The following ASCC1 variants were observed in gnomAD, a reference collection of about 807,000 sequenced individuals.
ASCC1 encodes the protein ASC-1 complex subunit P50.
ASCC1 carries 35 observed loss-of-function variants against 46.6 expected under a neutral mutation model. The observed-to-expected ratio is 0.75, with a 90% CI of 0.57 to 0.99. The LOEUF (loss-of-function observed/expected upper bound fraction) is 0.99. ASCC1 is among the 50% of genes least tolerant of loss of function. The pLI is 0.00. For missense variants in ASCC1, 376 were observed against 428.7 expected (o/e 0.88, Z 1.09); for synonymous variants, 143 against 146.6 (o/e 0.98, Z 0.18).
chr10:72,123,382 A>T (rs1185554879), intron 9 of ASCC1, among the ~76,000 whole-genome samples: 2 of 152,102 alleles, frequency 1.3e-5, no homozygotes, highest in Non-Finnish European at 2.9e-5. Context: ...AATAACTGAA[A>T]AGAGGAACTC....
At chr10:72,115,588 GA>G in intron 9 of ASCC1, among the ~76,000 whole-genome samples, 1 of 152,304 alleles carries the variant, frequency 6.6e-6, no homozygotes, top group Non-Finnish European at 1.5e-5. Context: ...CTGAAGCCAA[GA>G]GAAGAAAGCA....
chr10:72,152,832 C>T, intron 7 of ASCC1, 37 bp downstream of exon 7: 1 of 1,613,560 alleles, frequency 6.2e-7, no homozygotes, highest in South Asian at 1.1e-5. Context: ...TTTTAGGTAC[C>T]TCTTGATTGA....
At chr10:72,132,307 C>G (rs1446672813) in intron 8 of ASCC1, among the ~76,000 whole-genome samples, 2 of 152,150 alleles carry the variant, frequency 1.3e-5, no homozygotes, top group Non-Finnish European at 2.9e-5. Context: ...TGTGTGACTC[C>G]TGATCCGATG....
chr10:72,208,602 A>T (rs113073310), intron 3 of ASCC1, among the ~76,000 whole-genome samples: 2,382 of 152,214 alleles, frequency 0.016, 63 homozygotes, highest in African/African-American at 0.051. Context: ...TCTACTAAAA[A>T]TACAAAAATT....
At chr10:72,216,303 A>G (rs530731099), upstream of ASCC1, 46 of 160,596 alleles carry the variant, frequency 2.9e-4, no homozygotes, top group Non-Finnish European at 4.4e-4. Context: ...GGTTTGACCG[A>G]GTGCGCATGC....
At chr10:72,176,131 A>G (rs1851825861) in intron 5 of ASCC1, among the ~76,000 whole-genome samples, 1 of 152,214 alleles carries the variant, frequency 6.6e-6, no homozygotes, top group South Asian at 2.1e-4. Context: ...CCCACTTCAG[A>G]GCAGAACTCT....
rs184006546 is a variant in ASCC1, at chr10:72,210,892, G to A, written c.113-61C>T. 4.9e-4 allele frequency: 750 copies of A among 1,527,290 alleles called. 5 individuals are homozygous for A. In the African/African-American group the frequency reaches 8.9e-3, roughly 18 times the overall value. 94.6% of individuals were successfully genotyped at this position (1,527,290 alleles called of 1,614,324 possible). On this transcript the variant is annotated intron_variant, in intron 2 of 9. Transcript: ENST00000672957. ...TGTTGCTCTGTGGACAACAGCTTTC[G>A]CCTCAGCTGTCAACCGCTGTTGAGG...
rs1333290563 is a variant in ASCC1, at chr10:72,122,553, C to T, written c.957+5529G>A. Among the ~76,000 whole-genome samples the T allele has an allele frequency of 5.3e-5, 8 of 152,080 alleles. No homozygotes were observed. In the East Asian group the frequency reaches 1.4e-3, roughly 26 times the overall value. ...TCCCAACATTTTGTGAGGCTGAGTG[C>T]TTGAGCCCAGGAGTTAGAGAACAGC... is the stretch of plus-strand genomic sequence containing the variant. On this transcript the variant is annotated intron_variant, in intron 9 of 9. Coordinates refer to ENST00000672957, the MANE Select transcript of ASCC1 (RefSeq NM_001198800.3).
At chr10:72,102,221 A>G (rs956671014) in intron 9 of ASCC1, 21 of 854,838 alleles carry the variant, frequency 2.5e-5, no homozygotes, top group African/African-American at 1.9e-4. Context: ...GATGGGTCCA[A>G]TGGGTGTATA....
chr10:72,168,960 T>C (rs1451088694), intron 5 of ASCC1, among the ~76,000 whole-genome samples: 1 of 152,218 alleles, frequency 6.6e-6, no homozygotes, highest in Non-Finnish European at 1.5e-5. Flanking sequence ...CAGATTAATA[T>C]ACCCAACAAT....
rs558580826 is a variant in ASCC1 at position 72,201,012 on chromosome 10, G to A, written c.310+2415C>T. Among the ~76,000 whole-genome samples, 3 of 152,282 alleles carry A rather than the reference G, an allele frequency of 2.0e-5. No individual in the cohort carries two copies. The South Asian group carries it at 6.2e-4, about 32-fold the overall frequency. On this transcript the variant is annotated intron_variant, in intron 4 of 9. Transcript: ENST00000672957. Reference sequence around the variant, plus strand: ...CTCAAGTACTCAAAGTCATACGCATGACCAGTACCTGACACGTGCGGCTCC... The same window carrying A: ...CTCAAGTACTCAAAGTCATACGCATAACCAGTACCTGACACGTGCGGCTCC...
chr10:72,128,719 T>G (rs1323743745), intron 8 of ASCC1, among the ~76,000 whole-genome samples: 2 of 152,220 alleles, frequency 1.3e-5, no homozygotes, highest in African/African-American at 4.8e-5. Flanking sequence ...AGCAAATCTA[T>G]GACCTTAGCC....
intron 5 of ASCC1, among the ~76,000 whole-genome samples, 158 bp downstream of exon 5, chr10:72,196,653 C>T (rs190173188): frequency 6.6e-6 from 1 of 151,390 alleles, no homozygotes; most frequent in Admixed American, 6.6e-5. Flanking sequence ...TGTCCATACA[C>T]TTTTTTTTTC....
At chr10:72,182,803 C>T (rs1852819579) in intron 5 of ASCC1, among the ~76,000 whole-genome samples, 1 of 123,566 alleles carries the variant, frequency 8.1e-6, no homozygotes, top group African/African-American at 3.4e-5. Flanking sequence ...TAGCAACACC[C>T]TGTCTCTAAA....
chr10:72,180,443 T>C (rs182228828), intron 5 of ASCC1, among the ~76,000 whole-genome samples: 4 of 152,140 alleles, frequency 2.6e-5, no homozygotes, highest in Admixed American at 1.3e-4. Flanking sequence ...CTTACAAATA[T>C]GGTGAAACCT....
At chr10:72,125,396 A>T (rs1378875371) in intron 9 of ASCC1, among the ~76,000 whole-genome samples, 1 of 152,198 alleles carries the variant, frequency 6.6e-6, no homozygotes, top group Non-Finnish European at 1.5e-5. Flanking sequence ...CTATCTTGTT[A>T]GTGAAATTGA....
intron 9 of ASCC1, among the ~76,000 whole-genome samples, chr10:72,108,466 C>T (rs1219174528): frequency 6.6e-6 from 1 of 152,166 alleles, no homozygotes; most frequent in Admixed American, 6.5e-5. Flanking sequence ...CATAAACCAA[C>T]CTTGTATAGA....
intron 9 of ASCC1, among the ~76,000 whole-genome samples, chr10:72,118,042 A>G (rs1036230263): frequency 9.8e-5 from 15 of 152,334 alleles, no homozygotes; most frequent in African/African-American, 3.4e-4. Context: ...GAGTTTTGAG[A>G]AAAAAATCTA....
At chr10:72,216,063 C>G (rs765798995) in intron 1 of ASCC1, 144 bp downstream of exon 1, 2 of 152,344 alleles carry the variant, frequency 1.3e-5, no homozygotes, top group African/African-American at 2.4e-5. Context: ...ACGCCGCGGT[C>G]CTCGTCGTGG....
Sources: allele counts gnomAD v4.1 joint callset (sites outside exome capture counted in the v4.1 genomes callset), GRCh38; gene constraint gnomAD v4.1.1; transcripts MANE v1.5; gene names NCBI Gene and HGNC (gene_info 2026-07-23, HGNC 2026-07-21).